LRP11: variants seen among roughly 807,000 people sequenced by gnomAD.
The protein encoded by LRP11 is low-density lipoprotein receptor-related protein 11.
LRP11 carries 25 observed loss-of-function variants against 43.1 expected under a neutral mutation model. The observed-to-expected ratio is 0.58, with a 90% CI of 0.42 to 0.81. The LOEUF (loss-of-function observed/expected upper bound fraction) is 0.81, where lower values mean the gene tolerates loss of function less well. Among genes scored for constraint, LRP11 ranks in the 30% least tolerant of loss-of-function variants. The pLI is 0.00. For missense variants in LRP11, 623 were observed against 665.1 expected, an observed-to-expected ratio of 0.94 and a Z score of 0.70; for synonymous variants, 316 against 299.4, an observed-to-expected ratio of 1.06 and a Z score of -0.57.
intron 5 of LRP11, 144 bp from the exon 6 acceptor site, chr6:149,826,503 G>T: frequency 1.6e-6 from 1 of 610,264 alleles, no homozygotes; most frequent in South Asian, 2.1e-5. Flanking sequence ...GCCTATGTTT[G>T]ATAGTTAAGC....
At chr6:149,846,953 T>TAATAG (rs71010876) in intron 2 of LRP11, among the ~76,000 whole-genome samples, 31,104 of 131,340 alleles carry the variant, frequency 0.24, 4,230 homozygotes, top group Non-Finnish European at 0.26. Context: ...TAAAATAAAA[T>TAATAG]AATAGAATAG....
chr6:149,861,138 C>T (rs1330696590), intron 1 of LRP11, among the ~76,000 whole-genome samples: 1 of 152,180 alleles, frequency 6.6e-6, no homozygotes, highest in Non-Finnish European at 1.5e-5. Context: ...AAACCATTTT[C>T]ACATGCTCAC....
chr6:149,830,880 T>C (rs1213349414), intron 5 of LRP11, among the ~76,000 whole-genome samples: 1 of 152,224 alleles, frequency 6.6e-6, no homozygotes, highest in Non-Finnish European at 1.5e-5. Flanking sequence ...CCCTGCCTTC[T>C]GGGTAACTGA....
In LRP11 at chr6:149,863,752, G is replaced by A. The variant is rs1008136634; in HGVS notation, c.269C>T (p.Pro90Leu). Reference protein sequence around the residue: ...RAGGGPQEDCPGPGSGGYSAM... With the variant: ...RAGGGPQEDCLGPGSGGYSAM... The stretch of plus-strand genomic sequence containing the variant: ...GCTGTAGCCGCCGCTGCCCGGGCCC[G>A]GGCAGTCCTCCTGGGGGCCGCCGCC... The change falls in exon 1 of 7, where the codon CCG (proline) becomes CTG (leucine). Residue 90 changes from proline to leucine, a missense_variant. By Grantham distance (98) the Pro-to-Leu change is moderately conservative. Coordinates refer to ENST00000239367, the MANE Select transcript of LRP11 (RefSeq NM_032832.6). The A allele has an allele frequency of 2.5e-5, 37 of 1,478,214 alleles. No individual in the cohort carries two copies. Among genetic ancestry groups the A allele is most frequent in the Non-Finnish European group, 3.2e-5 (36 of 1,120,996 alleles). 91.6% of individuals were successfully genotyped at this position (1,478,214 alleles called of 1,614,324 possible). A position where few individuals can be genotyped will look rare whatever the true frequency, so the allele number is the denominator to read the frequency against.
chr6:149,856,961 G>GA (rs1172581688), intron 1 of LRP11, among the ~76,000 whole-genome samples: 3 of 151,888 alleles, frequency 2.0e-5, no homozygotes, highest in Non-Finnish European at 2.9e-5. Context: ...CAACACTTCG[G>GA]AAAAAAAATT....
chr6:149,863,735 C>T lies in LRP11; in HGVS notation c.286G>A (p.Gly96Ser). The change falls in exon 1 of 7, where the codon GGC becomes AGC. Residue 96 changes from glycine to serine, a missense_variant. By Grantham distance (56) the Gly-to-Ser change is moderately conservative. Coordinates refer to ENST00000239367, the MANE Select transcript of LRP11 (RefSeq NM_032832.6). ...ATGGCGTCAGGCATTGCGCTGTAGC[C>T]GCCGCTGCCCGGGCCCGGGCAGTCC... is the stretch of plus-strand genomic sequence containing the variant. ...QEDCPGPGSGGYSAMPDAIIR... is the reference protein window; with the variant it reads ...QEDCPGPGSGSYSAMPDAIIR... 1 of 1,478,780 alleles carries T rather than the reference C, an allele frequency of 6.8e-7. No individual in the cohort carries two copies. Among genetic ancestry groups the T allele is most frequent in the South Asian group, 1.3e-5 (1 of 78,464 alleles). The allele number at this position is 1,478,780 out of a possible 1,614,324, so 91.6% of individuals were successfully genotyped here.
At chr6:149,856,613 G>A (rs1776802793) in intron 1 of LRP11, among the ~76,000 whole-genome samples, 1 of 152,174 alleles carries the variant, frequency 6.6e-6, no homozygotes. Flanking sequence ...ATAAACCCAT[G>A]TTAAGTACTA....
chr6:149,843,950 C>T (rs1439891644), intron 2 of LRP11, among the ~76,000 whole-genome samples: 2 of 152,272 alleles, frequency 1.3e-5, no homozygotes, highest in South Asian at 4.2e-4. Context: ...ACCAACAATA[C>T]TATTTTTAAA....
intron 1 of LRP11, among the ~76,000 whole-genome samples, chr6:149,858,227 G>A (rs1776831943): frequency 6.6e-6 from 1 of 152,142 alleles, no homozygotes; most frequent in Non-Finnish European, 1.5e-5. Context: ...AGGCCCTGGT[G>A]TGTGATGTTC....
intron 5 of LRP11, among the ~76,000 whole-genome samples, chr6:149,829,896 T>A (rs956258654): frequency 3.3e-5 from 5 of 152,146 alleles, no homozygotes; most frequent in African/African-American, 1.2e-4. Context: ...TGGACTTGAA[T>A]GTTCTAGCAA....
intron 3 of LRP11, among the ~76,000 whole-genome samples, chr6:149,839,596 CT>C (rs1562440462): frequency 6.6e-6 from 1 of 152,192 alleles, no homozygotes; most frequent in African/African-American, 2.4e-5. Flanking sequence ...AGCCTCCAAA[CT>C]TTTTTGATCA....
intron 2 of LRP11, chr6:149,852,339 AG>A (rs1290239453): frequency 6.6e-6 from 1 of 152,224 alleles, no homozygotes; most frequent in Non-Finnish European, 1.5e-5. Context: ...TGCCTAAGCC[AG>A]GAAGTGCTTA....
At chr6:149,859,397 T>TATATATATATATATATATA (rs1491456220) in intron 1 of LRP11, among the ~76,000 whole-genome samples, 25 of 72,934 alleles carry the variant, frequency 3.4e-4, no homozygotes, top group South Asian at 1.7e-3. Context: ...TATATATATA[T>TATATATATATATATATATA]TTTTTTTTTT....
In LRP11 at chr6:149,864,353, G is replaced by C. The variant is rs1042411608; in HGVS notation, c.-333C>G. ...GCGTTGATCAGCACCAGGTGTGTGC[G>C]AACAGTGGCCGCGGCGGGGTGGAGC... On this transcript the variant is annotated 5_prime_UTR_variant, in exon 1 of 7. Transcript: ENST00000239367. 1 of 1,000,654 alleles carries C rather than the reference G, an allele frequency of 1.0e-6. No homozygotes were observed. Among genetic ancestry groups the C allele is most frequent in the Admixed American group, 6.0e-5 (1 of 16,736 alleles). 62.0% of individuals were successfully genotyped at this position (1,000,654 alleles called of 1,614,324 possible). A position where few individuals can be genotyped will look rare whatever the true frequency, so the allele number is the denominator to read the frequency against.
At chr6:149,857,248 G>A (rs1776813011) in intron 1 of LRP11, among the ~76,000 whole-genome samples, 1 of 152,082 alleles carries the variant, frequency 6.6e-6, no homozygotes, top group African/African-American at 2.4e-5. Flanking sequence ...TGAAACAGAC[G>A]CGGCCGGGTG....
At chr6:149,851,021 G>GACA (rs1776710962) in intron 2 of LRP11, among the ~76,000 whole-genome samples, 1 of 152,186 alleles carries the variant, frequency 6.6e-6, no homozygotes, top group Non-Finnish European at 1.5e-5. Flanking sequence ...CAGGATGAGT[G>GACA]TTAACTTTGG....
chr6:149,825,587 A>G (rs1776327708), intron 6 of LRP11, among the ~76,000 whole-genome samples: 1 of 152,136 alleles, frequency 6.6e-6, no homozygotes, highest in African/African-American at 2.4e-5. Context: ...CATCTTACGA[A>G]TGAGGAAACT....
intron 1 of LRP11, among the ~76,000 whole-genome samples, chr6:149,856,154 CTA>C (rs1776796152): frequency 1.3e-5 from 2 of 152,128 alleles, no homozygotes; most frequent in South Asian, 4.1e-4. Flanking sequence ...GAAAATATGT[CTA>C]TGTGATATAA....
intron 1 of LRP11, among the ~76,000 whole-genome samples, chr6:149,861,025 G>A (rs1356168672): frequency 1.3e-5 from 2 of 152,192 alleles, no homozygotes; most frequent in Admixed American, 1.3e-4. Context: ...AACAGGGCTG[G>A]TGTGTCCTGC....
Sources: allele counts gnomAD v4.1 joint callset (sites outside exome capture counted in the v4.1 genomes callset), GRCh38; gene constraint gnomAD v4.1.1; transcripts MANE v1.5; gene names NCBI Gene and HGNC (gene_info 2026-07-23, HGNC 2026-07-21).